Variants in NCOR2 observed in about 807,000 individuals in gnomAD.
NCOR2 encodes the protein nuclear receptor corepressor 2, also known as CTG repeat protein 26.
In NCOR2, 81 loss-of-function variants were observed where a neutral mutation model predicts 262.9. The observed-to-expected ratio is 0.31, with a 90% CI of 0.26 to 0.37. The LOEUF (loss-of-function observed/expected upper bound fraction) is 0.37. Ranked by LOEUF, NCOR2 falls within the 10% of genes least tolerant of loss-of-function variation. The pLI, the probability that NCOR2 is intolerant of heterozygous loss-of-function variation, is 1.00. For missense variants in NCOR2, 3,385 were observed against 3,621.4 expected (o/e 0.93, Z 1.68); for synonymous variants, 1,659 against 1,559.3 (o/e 1.06, Z -1.51).
rs1421505195 is a variant in NCOR2, at chr12:124,548,470, G to A, written c.-164-12859C>T. On this transcript the variant is annotated intron_variant, in intron 1 of 32. Coordinates refer to the NCOR2 transcript ENST00000458234. The surrounding 1 kb of genome is among the most constrained non-coding windows in gnomAD (Gnocchi z 5.1). ...GCTACTGCAGTCGTCCAAGCCAGAC[G>A]GCGACAGAGTGGGGGTCCATCATGG... 2.0e-5 allele frequency among the ~76,000 whole-genome samples: 3 copies of A among 152,122 alleles called. No individual in the cohort carries two copies. Among genetic ancestry groups the A allele is most frequent in the Non-Finnish European group, 4.4e-5 (3 of 68,024 alleles).
In NCOR2 at chr12:124,440,020, C is replaced by T. The variant is rs1461699270; in HGVS notation, c.816-2024G>A. Among the ~76,000 whole-genome samples, 1 of 151,914 alleles carries T rather than the reference C, an allele frequency of 6.6e-6. No individual in the cohort carries two copies. Among genetic ancestry groups the T allele is most frequent in the Non-Finnish European group, 1.5e-5 (1 of 67,942 alleles). The stretch of plus-strand genomic sequence containing the variant: ...GTCCTCTTCTCTTCCCAGGCCCCTC[C>T]CCACGGTCTCCAACACACAAAGCAG... On this transcript the variant is annotated intron_variant, in intron 7 of 46. Coordinates refer to ENST00000405201, the Ensembl canonical transcript of NCOR2. This position sits in a 1 kb window ranked among gnomAD's most constrained non-coding sequence, Gnocchi z 5.7.
chr12:124,400,733 C>A, intron 14 of NCOR2, 60 bp from the exon 17 acceptor site: 1 of 1,584,426 alleles, frequency 6.3e-7, no homozygotes. Context: ...CAAACAGCCA[C>A]TGGAGGAGAC....
At position 124,548,349 on chromosome 12, in the gene NCOR2, G is replaced by A. The variant is rs2051603370; in HGVS notation, c.-164-12738C>T. 6.6e-6 allele frequency among the ~76,000 whole-genome samples: 1 copy of A among 152,132 alleles called. No individual in the cohort carries two copies. Among genetic ancestry groups the A allele is most frequent in the African/African-American group, 2.4e-5 (1 of 41,410 alleles). On this transcript the variant is annotated intron_variant, in intron 1 of 32. Transcript: ENST00000458234. This position sits in a 1 kb window ranked among gnomAD's most constrained non-coding sequence, Gnocchi z 5.1. The stretch of plus-strand genomic sequence containing the variant: ...GCAGTGGGAAGAGAATGGAGAGTGT[G>A]GGGCCAGAGTCTCATGGACCTTCTG...
rs2050774768 is a variant in NCOR2 at position 124,531,535 on chromosome 12, G to A, written c.-118+4030C>T. 6.6e-6 allele frequency among the ~76,000 whole-genome samples: 1 copy of A among 152,186 alleles called. No individual in the cohort carries two copies. The highest frequency in any genetic ancestry group is 6.5e-5 in the Admixed American group (1 of 15,288). On this transcript the variant is annotated intron_variant, in intron 1 of 46. Transcript: ENST00000404621. The surrounding 1 kb of genome is among the most constrained non-coding windows in gnomAD (Gnocchi z 4.5). Reference sequence around the variant, plus strand: ...AGGGAGCAGGAAGGAAGGGGGAGGGGAGGAAGGGATTGCAGGGAGCCCCCG... The same window carrying A: ...AGGGAGCAGGAAGGAAGGGGGAGGGAAGGAAGGGATTGCAGGGAGCCCCCG...
Position 124,549,457 on chromosome 12 carries a change from G to T in NCOR2, c.-164-13846C>A, listed in dbSNP as rs2051643709. Reference sequence around the variant, plus strand: ...TGAGCTGGCTCCTTGGGGGCCTGGGGAGGAAGGCAACTGAGCCCCCTGCAG... The same window carrying T: ...TGAGCTGGCTCCTTGGGGGCCTGGGTAGGAAGGCAACTGAGCCCCCTGCAG... On this transcript the variant is annotated intron_variant, in intron 1 of 32. Coordinates refer to the NCOR2 transcript ENST00000458234. The surrounding 1 kb of genome is among the most constrained non-coding windows in gnomAD (Gnocchi z 4.4). Among the ~76,000 whole-genome samples, 1 of 152,112 alleles carries T rather than the reference G, an allele frequency of 6.6e-6. No individual in the cohort carries two copies. Among genetic ancestry groups the T allele is most frequent in the Non-Finnish European group, 1.5e-5 (1 of 68,012 alleles).
At chr12:124,540,286 C>T (rs1484574834), upstream of NCOR2, among the ~76,000 whole-genome samples, 1 of 148,894 alleles carries the variant, frequency 6.7e-6, no homozygotes, top group Non-Finnish European at 1.5e-5. Flanking sequence ...CACAGAGGGC[C>T]GAGGAACAGG....
chr12:124,334,702 G>A (rs1036088938), intron 40 of NCOR2, 85 bp from the exon 43 acceptor site: 12 of 707,848 alleles, frequency 1.7e-5, no homozygotes, highest in South Asian at 8.9e-5. Context: ...GACGGAGCTC[G>A]GGGCAGAATC....
chr12:124,379,731 G>T (rs978748563), intron 17 of NCOR2, among the ~76,000 whole-genome samples: 1 of 152,222 alleles, frequency 6.6e-6, no homozygotes, highest in Admixed American at 6.5e-5. Flanking sequence ...ACCTTATTTA[G>T]AAACGGGATC....
At position 124,337,186 on chromosome 12, in the gene NCOR2, G is replaced by A; in HGVS notation, c.5688-6C>T. On this transcript the variant is annotated splice_polypyrimidine_tract_variant and splice_region_variant and intron_variant, in intron 37 of 46. Coordinates refer to ENST00000405201, the Ensembl canonical transcript of NCOR2. ...GTGAGGAGGTGGAGGTGGACCTGGG[G>A]GAGGAGAGAAGGCGGTCAGGCAGTC... 1 of 1,545,064 alleles carries A rather than the reference G, an allele frequency of 6.5e-7. No individual in the cohort carries two copies. Among genetic ancestry groups the A allele is most frequent in the East Asian group, 2.4e-5 (1 of 40,870 alleles).
chr12:124,408,730 C>T (rs2042408261), intron 13 of NCOR2, among the ~76,000 whole-genome samples: 1 of 152,178 alleles, frequency 6.6e-6, no homozygotes, highest in Admixed American at 6.5e-5. Context: ...GCCTGGGTGA[C>T]AGAGCGAGAC....
At chr12:124,358,381 C>T (rs913832090) in intron 22 of NCOR2, among the ~76,000 whole-genome samples, 1 of 151,044 alleles carries the variant, frequency 6.6e-6, no homozygotes, top group Admixed American at 6.6e-5. Context: ...GATGTGTGTG[C>T]ACGTGCACGT....
At position 124,354,903 on chromosome 12, in the gene NCOR2, GCT is replaced by G; in HGVS notation, c.3416_3417del (p.Glu1139AlafsTer97). Reference sequence around the variant, plus strand: ...ACAGGGCCCACCGGGGCCTTGGCATGCTCTGAGTACGGGACGTGGAGCTGGAC... The same window carrying G: ...ACAGGGCCCACCGGGGCCTTGGCATGCTGAGTACGGGACGTGGAGCTGGAC... On this transcript the variant is annotated frameshift_variant, in exon 25 of 47. Coordinates refer to ENST00000405201, the Ensembl canonical transcript of NCOR2. LOFTEE classifies it high-confidence loss of function. 2 of 1,612,336 alleles carry G rather than the reference GCT, an allele frequency of 1.2e-6. No individual in the cohort carries two copies. Among genetic ancestry groups the G allele is most frequent in the Non-Finnish European group, 8.5e-7 (1 of 1,179,468 alleles).
In NCOR2 at chr12:124,482,201, G is replaced by A. The variant is rs987514898; in HGVS notation, c.411+1395C>T. On this transcript the variant is annotated intron_variant, in intron 3 of 46. Transcript: ENST00000405201. The surrounding 1 kb of genome is among the most constrained non-coding windows in gnomAD (Gnocchi z 6.3). The stretch of plus-strand genomic sequence containing the variant: ...TGGTGAGGCGGGGACTGCCCCAGTG[G>A]CAGGGAGGCCAAGCCAGCCAACGAC... Among the ~76,000 whole-genome samples, 9 of 152,122 alleles carry A rather than the reference G, an allele frequency of 5.9e-5. No homozygotes were observed. Among genetic ancestry groups the A allele is most frequent in the African/African-American group, 2.2e-4 (9 of 41,418 alleles).
chr12:124,388,888 GGGA>G, intron 16 of NCOR2: 1 of 1,011,706 alleles, frequency 9.9e-7, no homozygotes, highest in Non-Finnish European at 1.3e-6. Context: ...GAGGGAGGGA[GGGA>G]GGGAGCGAGG....
At chr12:124,349,598 TAC>T (rs1374388405) in intron 28 of NCOR2, among the ~76,000 whole-genome samples, 1 of 152,100 alleles carries the variant, frequency 6.6e-6, no homozygotes, top group African/African-American at 2.4e-5. Flanking sequence ...CCCCACTCCC[TAC>T]AGTCTCACAC....
chr12:124,542,517 G>C (rs146045459), intron 1 of NCOR2: 6 of 152,518 alleles, frequency 3.9e-5, no homozygotes, highest in African/African-American at 1.4e-4. Context: ...GACCCTCAGC[G>C]CCCGTCCCAG....
intron 1 of NCOR2, among the ~76,000 whole-genome samples, chr12:124,555,133 G>A (rs922100682): frequency 1.3e-5 from 2 of 152,240 alleles, no homozygotes; most frequent in African/African-American, 4.8e-5. Context: ...GTCCCCATCT[G>A]TAAACAGGGA....
Position 124,327,644 on chromosome 12 carries a change from GAGACAGACAGAC to G in NCOR2, c.6959-23_6959-12del. On this transcript the variant is annotated splice_polypyrimidine_tract_variant and intron_variant, in intron 44 of 46. Coordinates refer to ENST00000405201, the Ensembl canonical transcript of NCOR2. ...TATAGGTCATAAGGCCTGGGAGAGA[GAGACAGACAGAC>G]AGACAGACACATGGGGGCCGGGGAG... The G allele has an allele frequency of 3.1e-6, 5 of 1,588,512 alleles. No homozygotes were observed. Among genetic ancestry groups the G allele is most frequent in the Middle Eastern group, 3.4e-4 (2 of 5,864 alleles).
At chr12:124,365,800 G>A (rs1202544477) in intron 20 of NCOR2, among the ~76,000 whole-genome samples, 1 of 151,426 alleles carries the variant, frequency 6.6e-6, no homozygotes, top group East Asian at 2.0e-4. Context: ...CCACTGCCAT[G>A]CCTCACTCCC....
Sources: allele counts gnomAD v4.1 joint callset (sites outside exome capture counted in the v4.1 genomes callset), GRCh38; gene constraint gnomAD v4.1.1; non-coding constraint Gnocchi (gnomAD v3.1); transcripts MANE v1.5; gene names NCBI Gene and HGNC (gene_info 2026-07-23, HGNC 2026-07-21).